Variants in GALK2 observed in about 807,000 individuals in gnomAD.
GALK2 encodes the protein galactokinase 2.
GALK2 carries 36 observed loss-of-function variants against 52.4 expected under a neutral mutation model. The observed-to-expected ratio is 0.69, with a 90% CI of 0.53 to 0.91. The LOEUF is 0.91. Ranked by LOEUF, GALK2 falls within the 40% of genes least tolerant of loss-of-function variation. The pLI is 0.00. For synonymous variants in GALK2, 176 were observed against 199.1 expected (o/e 0.88, Z 0.98); for missense variants, 579 against 559.1 (o/e 1.04, Z -0.36).
At chr15:49,226,927 A>G (rs1299813322) in intron 3 of GALK2, among the ~76,000 whole-genome samples, 2 of 152,188 alleles carry the variant, frequency 1.3e-5, no homozygotes, top group Admixed American at 6.5e-5. Flanking sequence ...ATTTTAATCC[A>G]TTGTATCTAA....
At chr15:49,354,770 C>A (rs2042834140) in intron 3 of GALK2, among the ~76,000 whole-genome samples, 1 of 152,012 alleles carries the variant, frequency 6.6e-6, no homozygotes, top group Non-Finnish European at 1.5e-5. Flanking sequence ...CCTCTGTAGG[C>A]TCCACCTCTG....
intron 3 of GALK2, among the ~76,000 whole-genome samples, chr15:49,340,494 T>G (rs1008103366): frequency 2.0e-5 from 3 of 147,622 alleles, no homozygotes; most frequent in Non-Finnish European, 4.5e-5. Context: ...GGTACCTCAG[T>G]TGGAAATGCA....
intron 5 of GALK2, among the ~76,000 whole-genome samples, chr15:49,260,976 A>G (rs946963154): frequency 1.3e-5 from 2 of 151,822 alleles, no homozygotes; most frequent in African/African-American, 4.8e-5. Context: ...GTAGCCTTGT[A>G]GTATAGTTTG....
At chr15:49,310,852 A>T (rs750328181) in intron 8 of GALK2, among the ~76,000 whole-genome samples, 1 of 152,058 alleles carries the variant, frequency 6.6e-6, no homozygotes, top group African/African-American at 2.4e-5. Context: ...TCTTCACTCT[A>T]TTGATAGGTT....
intron 2 of GALK2, among the ~76,000 whole-genome samples, chr15:49,204,582 T>C (rs1455363379): frequency 6.6e-6 from 1 of 152,212 alleles, no homozygotes; most frequent in Non-Finnish European, 1.5e-5. Flanking sequence ...ATATTCATTT[T>C]TTTTAGCTAT....
In GALK2 at chr15:49,257,362, G is replaced by A. The variant is rs2091858823; in HGVS notation, c.504+17995G>A. On this transcript the variant is annotated intron_variant, in intron 5 of 9. Coordinates refer to ENST00000560031, the MANE Select transcript of GALK2 (RefSeq NM_002044.4). ...GCCTCTTACATTCTCAGATGAAGGA[G>A]TTATTACACAGGGAGGTGGTAAAGG... 3.3e-5 allele frequency among the ~76,000 whole-genome samples: 5 copies of A among 152,264 alleles called. No individual in the cohort carries two copies. In the South Asian group the frequency reaches 8.3e-4, roughly 25 times the overall value.
chr15:49,345,495 C>G (rs2041343603), intron 3 of GALK2, among the ~76,000 whole-genome samples: 1 of 152,164 alleles, frequency 6.6e-6, no homozygotes, highest in South Asian at 2.1e-4. Context: ...ACACTTATAA[C>G]TATAAATTTT....
chr15:49,244,811 A>G (rs1193989271), intron 5 of GALK2, among the ~76,000 whole-genome samples: 2 of 152,138 alleles, frequency 1.3e-5, no homozygotes, highest in African/African-American at 4.8e-5. Context: ...TAAAATGAGG[A>G]GAGGGAAAGA....
At chr15:49,197,730 G>A (rs2087364353) in intron 1 of GALK2, among the ~76,000 whole-genome samples, 1 of 152,096 alleles carries the variant, frequency 6.6e-6, no homozygotes, top group Admixed American at 6.5e-5. Flanking sequence ...TGCTCAACCT[G>A]TAATTATATA....
chr15:49,235,726 T>C, intron 3 of GALK2, 125 bp from the exon 4 acceptor site: 4 of 784,506 alleles, frequency 5.1e-6, no homozygotes. Context: ...AGACACACAG[T>C]TTGAACATAA....
At position 49,331,711 on chromosome 15, in the gene GALK2, A is replaced by G; in HGVS notation, c.*3552A>G. The G allele has an allele frequency of 1.0e-6, 1 of 971,116 alleles. No individual in the cohort carries two copies. Among genetic ancestry groups the G allele is most frequent in the Admixed American group, 1.8e-5 (1 of 55,820 alleles). 60.2% of individuals were successfully genotyped at this position (971,116 alleles called of 1,614,324 possible). ...GTGTGCCACCATACATTGCTTATGA[A>G]ATATTGTCCAGTCTATATAAAAGAA... is the stretch of plus-strand genomic sequence containing the variant. On this transcript the variant is annotated 3_prime_UTR_variant, in exon 10 of 10. Transcript: ENST00000560031.
chr15:49,269,119 T>A (rs998276258), intron 5 of GALK2, among the ~76,000 whole-genome samples: 2 of 152,206 alleles, frequency 1.3e-5, no homozygotes, highest in African/African-American at 4.8e-5. Context: ...CTAGGTCAGC[T>A]TTTTGCCTTA....
At chr15:49,327,300 G>A (rs1035482818) in intron 9 of GALK2, 2 of 152,088 alleles carry the variant, frequency 1.3e-5, no homozygotes, top group Non-Finnish European at 1.5e-5. Flanking sequence ...GGACCTCTAG[G>A]GACTGCCCTC....
chr15:49,189,158 G>T (rs1277532409), intron 1 of GALK2, among the ~76,000 whole-genome samples: 2 of 152,096 alleles, frequency 1.3e-5, no homozygotes, highest in Non-Finnish European at 2.9e-5. Flanking sequence ...TTTTGGTTTG[G>T]CTTACTGGGG....
At chr15:49,222,105 A>G (rs1204148147) in intron 3 of GALK2, among the ~76,000 whole-genome samples, 1 of 151,960 alleles carries the variant, frequency 6.6e-6, no homozygotes, top group East Asian at 1.9e-4. Context: ...AGTTTTCCTT[A>G]GAGATCTTTC....
chr15:49,366,757 G>A, intron 3 of GALK2: 2 of 749,820 alleles, frequency 2.7e-6, no homozygotes, highest in Non-Finnish European at 4.3e-6. Flanking sequence ...TCCCGCCACT[G>A]CGCTGCCTCC....
chr15:49,263,822 C>T (rs1330902310), intron 5 of GALK2, among the ~76,000 whole-genome samples: 1 of 142,490 alleles, frequency 7.0e-6, no homozygotes, highest in Non-Finnish European at 1.5e-5. Flanking sequence ...TTCTCCTTCA[C>T]TTATGAAGCT....
At chr15:49,225,522 G>C (rs1457378365) in intron 3 of GALK2, among the ~76,000 whole-genome samples, 1 of 152,202 alleles carries the variant, frequency 6.6e-6, no homozygotes, top group Non-Finnish European at 1.5e-5. Flanking sequence ...AGGTAGAACA[G>C]TTTCAACCTG....
intron 8 of GALK2, among the ~76,000 whole-genome samples, chr15:49,294,797 G>C (rs879355169): frequency 2.6e-5 from 4 of 152,160 alleles, no homozygotes; most frequent in Admixed American, 6.5e-5. Context: ...AGTGGCTCAG[G>C]TCCTGTAGAT....
Sources: allele counts gnomAD v4.1 joint callset (sites outside exome capture counted in the v4.1 genomes callset), GRCh38; gene constraint gnomAD v4.1.1; transcripts MANE v1.5; gene names NCBI Gene and HGNC (gene_info 2026-07-23, HGNC 2026-07-21).